Variants in CDH18 observed in about 807,000 individuals in gnomAD.
The protein encoded by CDH18 is cadherin 18.
A neutral mutation model predicts 67.9 loss-of-function variants in CDH18; 31 were observed. The observed-to-expected ratio is 0.46, with a 90% CI of 0.34 to 0.62. The LOEUF (loss-of-function observed/expected upper bound fraction) is 0.62, where lower values mean the gene tolerates loss of function less well. Among genes scored for constraint, CDH18 ranks in the 20% least tolerant of loss-of-function variants. CDH18 has a pLI of 0.01. For synonymous variants in CDH18, 362 were observed against 347.2 expected, an observed-to-expected ratio of 1.04 and a Z score of -0.48; for missense variants, 890 against 975.5, an observed-to-expected ratio of 0.91 and a Z score of 1.17.
chr5:20,495,149 C>A (rs577025332), intron 1 of CDH18, among the ~76,000 whole-genome samples: 1 of 151,938 alleles, frequency 6.6e-6, no homozygotes, highest in Non-Finnish European at 1.5e-5. Context: ...TTTTTCTCTA[C>A]CGTATGAATA....
intron 1 of CDH18, among the ~76,000 whole-genome samples, chr5:20,316,203 T>C (rs895837119): frequency 2.6e-5 from 4 of 152,118 alleles, no homozygotes; most frequent in Non-Finnish European, 5.9e-5. Context: ...TTGAAAATTG[T>C]TAAATCCATG....
chr5:20,269,357 T>A (rs1166630355), intron 1 of CDH18, among the ~76,000 whole-genome samples: 1 of 151,382 alleles, frequency 6.6e-6, no homozygotes, highest in African/African-American at 2.4e-5. Context: ...TGCAATTCGA[T>A]CTAGCACTCC....
At chr5:20,157,883 G>T (rs536357187) in intron 2 of CDH18, among the ~76,000 whole-genome samples, 1 of 152,002 alleles carries the variant, frequency 6.6e-6, no homozygotes, top group South Asian at 2.1e-4. Context: ...CTTGTGATCT[G>T]CCCTCCTTGG....
intron 1 of CDH18, among the ~76,000 whole-genome samples, chr5:20,363,054 A>T (rs1011323306): frequency 2.0e-5 from 3 of 152,156 alleles, no homozygotes; most frequent in African/African-American, 7.2e-5. Context: ...TCCTAATATT[A>T]CTGCCATGGT....
At chr5:19,900,892 A>T (rs939734675) in intron 2 of CDH18, among the ~76,000 whole-genome samples, 2 of 152,152 alleles carry the variant, frequency 1.3e-5, no homozygotes, top group African/African-American at 4.8e-5. Flanking sequence ...TAAAAATATC[A>T]GTAAAGACGA....
chr5:20,257,155 T>C (rs1580601885), intron 1 of CDH18, among the ~76,000 whole-genome samples: 1 of 152,154 alleles, frequency 6.6e-6, no homozygotes, highest in East Asian at 1.9e-4. Context: ...TAATATCTGA[T>C]GTAACTGATT....
intron 10 of CDH18, among the ~76,000 whole-genome samples, chr5:19,518,536 C>T (rs1362975181): frequency 7.5e-6 from 1 of 133,412 alleles, no homozygotes; most frequent in African/African-American, 3.3e-5. Flanking sequence ...GCCAGACAGG[C>T]TAGAATAAAA....
At chr5:20,169,727 A>T (rs1427384695) in intron 2 of CDH18, among the ~76,000 whole-genome samples, 2 of 152,110 alleles carry the variant, frequency 1.3e-5, no homozygotes, top group African/African-American at 4.8e-5. Context: ...TAGGTAACAG[A>T]CTCACTATGA....
intron 2 of CDH18, among the ~76,000 whole-genome samples, chr5:20,090,090 A>G (rs1745291866): frequency 6.6e-6 from 1 of 152,212 alleles, no homozygotes; most frequent in South Asian, 2.1e-4. Flanking sequence ...TTTATAAATA[A>G]AAGCAGAAAA....
At chr5:19,531,971 G>T (rs909431999) in intron 9 of CDH18, among the ~76,000 whole-genome samples, 5 of 152,120 alleles carry the variant, frequency 3.3e-5, no homozygotes, top group African/African-American at 1.2e-4. Flanking sequence ...TGAGAGAAGA[G>T]AAATCCCTTT....
chr5:20,551,150 T>G (rs1018030742), intron 1 of CDH18, among the ~76,000 whole-genome samples: 2 of 152,192 alleles, frequency 1.3e-5, no homozygotes, highest in African/African-American at 4.8e-5. Flanking sequence ...GTAAATCTCT[T>G]TCTGATATGA....
At chr5:19,683,879 T>C (rs898260374) in intron 5 of CDH18, among the ~76,000 whole-genome samples, 7 of 152,152 alleles carry the variant, frequency 4.6e-5, no homozygotes, top group Non-Finnish European at 1.0e-4. Context: ...CTCAAACCAC[T>C]ATGCAGATTT....
chr5:19,883,512 C>T (rs1787885101), intron 2 of CDH18, among the ~76,000 whole-genome samples: 1 of 150,380 alleles, frequency 6.6e-6, no homozygotes, highest in South Asian at 2.1e-4. Flanking sequence ...CCTTTCATCT[C>T]TAATGATTTA....
At chr5:20,075,203 A>T (rs781116701) in intron 2 of CDH18, among the ~76,000 whole-genome samples, 7 of 152,102 alleles carry the variant, frequency 4.6e-5, no homozygotes, top group Non-Finnish European at 7.4e-5. Context: ...AATGGAAGTA[A>T]TCTTAAATCC....
intron 3 of CDH18, among the ~76,000 whole-genome samples, chr5:19,792,150 T>A (rs1309819898): frequency 1.3e-5 from 2 of 152,134 alleles, no homozygotes; most frequent in Non-Finnish European, 2.9e-5. Flanking sequence ...GAATGTTTTT[T>A]TGAATTAGTA....
intron 2 of CDH18, among the ~76,000 whole-genome samples, chr5:20,168,106 C>T (rs191546974): frequency 5.3e-5 from 8 of 152,278 alleles, no homozygotes; most frequent in Non-Finnish European, 1.0e-4. Flanking sequence ...CTTTGACTAG[C>T]TGCTGAGGTC....
intron 5 of CDH18, among the ~76,000 whole-genome samples, chr5:19,657,632 A>T (rs2150298569): frequency 6.6e-6 from 1 of 152,282 alleles, no homozygotes; most frequent in African/African-American, 2.4e-5. Flanking sequence ...AAAACACTTG[A>T]TCTAAAAATA....
chr5:20,304,109 C>A, intron 1 of CDH18: 2 of 1,610,010 alleles, frequency 1.2e-6, no homozygotes, highest in Non-Finnish European at 1.7e-6. Context: ...GGTGTTTACC[C>A]GAATCAACAT....
At chr5:20,120,538 G>A (rs1343865497) in intron 2 of CDH18, among the ~76,000 whole-genome samples, 1 of 152,070 alleles carries the variant, frequency 6.6e-6, no homozygotes, top group Non-Finnish European at 1.5e-5. Flanking sequence ...GGCTGCCTTA[G>A]TCAAAACAAA....
Sources: allele counts gnomAD v4.1 joint callset (sites outside exome capture counted in the v4.1 genomes callset), GRCh38; gene constraint gnomAD v4.1.1; transcripts MANE v1.5; gene names NCBI Gene and HGNC (gene_info 2026-07-23, HGNC 2026-07-21).